DACH2: variants seen among roughly 807,000 people sequenced by gnomAD.
The protein encoded by DACH2 is dachshund homolog 2.
A neutral mutation model predicts 35.8 loss-of-function variants in DACH2; 17 were observed. The observed-to-expected ratio is 0.48, with a 90% confidence interval of 0.33 to 0.71. The LOEUF (loss-of-function observed/expected upper bound fraction) is 0.71. Among genes scored for constraint, DACH2 ranks in the 30% least tolerant of loss-of-function variants. The probability of loss-of-function intolerance (pLI) is 0.02; values close to 1 mark genes in which losing one functional copy is unlikely to be tolerated. For missense variants in DACH2, 469 were observed against 472.7 expected (o/e 0.99, Z 0.07); for synonymous variants, 195 against 177.3 (o/e 1.10, Z -0.79).
chrX:86,415,389 C>A (rs1213821572), intron 2 of DACH2, among the ~76,000 whole-genome samples: 1 of 111,775 alleles, frequency 8.9e-6, no homozygotes, highest in African/African-American at 3.2e-5. Context: ...TTACATTTGT[C>A]TTCATTTTGC....
chrX:86,653,728 C>A (rs186443464), intron 4 of DACH2, among the ~76,000 whole-genome samples: 1 of 99,848 alleles, frequency 1.0e-5, no homozygotes, highest in African/African-American at 3.8e-5. Flanking sequence ...TGCAGTGGCA[C>A]GATCTTGGCT....
chrX:86,578,324 T>C (rs1298019231), intron 3 of DACH2, among the ~76,000 whole-genome samples: 5 of 81,165 alleles, frequency 6.2e-5, no homozygotes, highest in African/African-American at 3.9e-4. Flanking sequence ...AGAAGAAAAA[T>C]AGGTTTTTTT....
At chrX:86,398,121 G>C (rs1171298200) in intron 2 of DACH2, among the ~76,000 whole-genome samples, 1 of 111,987 alleles carries the variant, frequency 8.9e-6, no homozygotes, top group East Asian at 2.8e-4. Flanking sequence ...TCTTCGGATG[G>C]TGTATGTGTC....
At chrX:86,254,748 T>C (rs1366344670) in intron 1 of DACH2, among the ~76,000 whole-genome samples, 1 of 85,822 alleles carries the variant, frequency 1.2e-5, no homozygotes, top group African/African-American at 4.4e-5. Flanking sequence ...TAGGATATCA[T>C]GCCAAGTGTG....
At chrX:86,237,304 T>C (rs1292653856) in intron 1 of DACH2, among the ~76,000 whole-genome samples, 1 of 111,925 alleles carries the variant, frequency 8.9e-6, no homozygotes, top group Admixed American at 9.5e-5. Context: ...TCTAAAATAA[T>C]GATAAAAAGT....
chrX:86,516,026 G>A (rs1383740990), intron 3 of DACH2, among the ~76,000 whole-genome samples: 1 of 112,098 alleles, frequency 8.9e-6, no homozygotes, highest in Non-Finnish European at 1.9e-5. Flanking sequence ...TTCACGTCTA[G>A]CTTGGGTGAT....
intron 1 of DACH2, among the ~76,000 whole-genome samples, chrX:86,265,716 AAG>A (rs1376501752): frequency 2.7e-5 from 3 of 111,837 alleles, no homozygotes; most frequent in African/African-American, 9.7e-5. Context: ...CACAGGAAAA[AAG>A]AGATATATTT....
chrX:86,187,439 A>C (rs1459995469), intron 1 of DACH2, among the ~76,000 whole-genome samples: 9 of 96,272 alleles, frequency 9.3e-5, no homozygotes, highest in Non-Finnish European at 1.4e-4. Context: ...TTTTTTCGAG[A>C]TGGAGTCTCA....
intron 2 of DACH2, among the ~76,000 whole-genome samples, chrX:86,393,991 T>C (rs2036241565): frequency 9.2e-6 from 1 of 108,862 alleles, no homozygotes; most frequent in Admixed American, 1.0e-4. Flanking sequence ...AATGTCTTTT[T>C]TTTCCTTTGT....
At chrX:86,683,714 T>TA (rs2040908893) in intron 4 of DACH2, among the ~76,000 whole-genome samples, 1 of 111,572 alleles carries the variant, frequency 9.0e-6, no homozygotes, top group Non-Finnish European at 1.9e-5. Flanking sequence ...CTTTATATTC[T>TA]AAAAAAACTT....
intron 2 of DACH2, among the ~76,000 whole-genome samples, chrX:86,377,269 T>C (rs1249522676): frequency 9.0e-6 from 1 of 111,364 alleles, no homozygotes; most frequent in Non-Finnish European, 1.9e-5. Flanking sequence ...CACAGGCTAT[T>C]AAGTGTGCTA....
chrX:86,813,107 T>C lies in DACH2; in HGVS notation c.1390-23T>C, dbSNP rs747216249. On this transcript the variant is annotated intron_variant, in intron 8 of 11. Transcript: ENST00000373125. ...ATTAAAACAGATAAGATGAACTGCA[T>C]GTCATTTCCTGTACCTTGACAGGGT... 52 of 1,195,801 alleles carry C rather than the reference T, an allele frequency of 4.3e-5. No individual in the cohort carries two copies. In the South Asian group the frequency reaches 9.7e-4, roughly 22 times the overall value.
At chrX:86,396,532 T>G (rs1225594126) in intron 2 of DACH2, among the ~76,000 whole-genome samples, 10 of 103,203 alleles carry the variant, frequency 9.7e-5, no homozygotes, top group African/African-American at 3.2e-4. Flanking sequence ...GTCTAACATT[T>G]AAGTCTTTAA....
At chrX:86,376,718 A>T in intron 1 of DACH2, 106 bp from the exon 2 acceptor site, 3 of 1,020,069 alleles carry the variant, frequency 2.9e-6, no homozygotes, top group Non-Finnish European at 1.3e-6. Flanking sequence ...ATTTAGGAAG[A>T]TGTTTTGTGA....
At chrX:86,587,899 T>A (rs988126454) in intron 3 of DACH2, among the ~76,000 whole-genome samples, 2 of 112,045 alleles carry the variant, frequency 1.8e-5, no homozygotes, top group African/African-American at 3.2e-5. Context: ...AATTTTTGTT[T>A]TTCTTGAAAT....
intron 6 of DACH2, among the ~76,000 whole-genome samples, chrX:86,724,308 A>G (rs111299178): frequency 1.1e-4 from 8 of 72,163 alleles, no homozygotes; most frequent in Non-Finnish European, 1.7e-4. Context: ...ATACTTCCAC[A>G]TGTTTTCGTG....
intron 2 of DACH2, among the ~76,000 whole-genome samples, chrX:86,432,675 A>G (rs772236085): frequency 5.4e-5 from 6 of 112,101 alleles, no homozygotes; most frequent in Non-Finnish European, 1.1e-4. Flanking sequence ...GGAATTTGGT[A>G]TAAGGCAGGT....
At chrX:86,286,284 C>T (rs1033444468) in intron 1 of DACH2, among the ~76,000 whole-genome samples, 48 of 107,739 alleles carry the variant, frequency 4.5e-4, no homozygotes, top group Non-Finnish European at 6.7e-4. Flanking sequence ...CCCGCCACCG[C>T]GCCCGGCTAA....
At chrX:86,405,455 AC>A (rs2036512065) in intron 2 of DACH2, among the ~76,000 whole-genome samples, 1 of 111,591 alleles carries the variant, frequency 9.0e-6, no homozygotes, top group Admixed American at 9.5e-5. Flanking sequence ...CTAGTTCCCA[AC>A]AAGCTTTTCA....
Sources: gnomAD v4.1 joint callset for allele counts (sites outside exome capture counted in the v4.1 genomes callset) on GRCh38, gnomAD v4.1.1 for gene constraint, MANE v1.5 for transcripts, NCBI Gene and HGNC (gene_info 2026-07-23, HGNC 2026-07-21) for gene names.